Variants in GAD2 observed in about 807,000 individuals in gnomAD.
GAD2 encodes the protein glutamate decarboxylase 2.
Under a neutral mutation model 80.1 loss-of-function variants are expected in GAD2, and 22 were observed. The observed-to-expected ratio is 0.27, with a 90% CI of 0.20 to 0.39. The LOEUF (loss-of-function observed/expected upper bound fraction) is 0.39, where lower values mean the gene tolerates loss of function less well. GAD2 is among the 10% of genes least tolerant of loss of function. The probability of loss-of-function intolerance (pLI) is 1.00; values close to 1 mark genes in which losing one functional copy is unlikely to be tolerated. For synonymous variants in GAD2, 274 were observed against 256.9 expected (o/e 1.07, Z -0.64); for missense variants, 624 against 738.4 (o/e 0.85, Z 1.80).
At chr10:26,224,903 C>A in intron 6 of GAD2, 1 of 434,272 alleles carries the variant, frequency 2.3e-6, no homozygotes, top group African/African-American at 2.0e-5. Flanking sequence ...CCCAGTGCTT[C>A]TACTGTGACC....
At chr10:26,228,029 T>C (rs890791710) in intron 6 of GAD2, among the ~76,000 whole-genome samples, 7 of 152,220 alleles carry the variant, frequency 4.6e-5, no homozygotes, top group Non-Finnish European at 1.0e-4. Flanking sequence ...GCCTGGGCCA[T>C]TCAGCTTGAC....
At chr10:26,271,771 T>TA (rs1417209802) in intron 10 of GAD2, among the ~76,000 whole-genome samples, 1 of 151,962 alleles carries the variant, frequency 6.6e-6, no homozygotes, top group African/African-American at 2.4e-5. Flanking sequence ...CTTTTTTTTT[T>TA]CTTTTTGAGA....
chr10:26,282,005 C>G (rs370055253), intron 12 of GAD2, among the ~76,000 whole-genome samples: 1 of 152,034 alleles, frequency 6.6e-6, no homozygotes, highest in African/African-American at 2.4e-5. Flanking sequence ...TGCAATGGTG[C>G]GATCTTGGCA....
chr10:26,216,910 G>C lies in GAD2; in HGVS notation c.76+25G>C. 1 of 1,596,476 alleles carries C rather than the reference G, an allele frequency of 6.3e-7. No homozygotes were observed. Among genetic ancestry groups the C allele is most frequent in the Non-Finnish European group, 8.6e-7 (1 of 1,168,830 alleles). On this transcript the variant is annotated intron_variant, in intron 1 of 15. Transcript: ENST00000376261. This position sits in a 1 kb window ranked among gnomAD's most constrained non-coding sequence, Gnocchi z 4.7. ...GGTAGGAAGGAGAACGGGGGCCTGC[G>C]GCGGGCGAGTTTTGCGGTGGTCTGG...
In GAD2 at chr10:26,292,926, T is replaced by C. The variant is rs150583361; in HGVS notation, c.1519T>C (p.Trp507Arg). 3.8e-5 allele frequency: 62 copies of C among 1,614,038 alleles called. No homozygotes were observed. The highest frequency in any genetic ancestry group is 3.3e-4 in the Middle Eastern group (2 of 6,058). Reference protein sequence around the residue: ...GKPQHTNVCFWYIPPSLRTLE... With the variant: ...GKPQHTNVCFRYIPPSLRTLE... The stretch of plus-strand genomic sequence containing the variant: ...GCCTCAGCACACAAATGTCTGCTTC[T>C]GGTACATTCCTCCAAGCTTGCGTAC... Residue 507 changes from tryptophan (W) to arginine (R), a missense_variant, in exon 15 of 16, where the codon TGG becomes CGG. Trp to Arg is a moderately radical substitution (Grantham distance 101). Coordinates refer to ENST00000376261, the MANE Select transcript of GAD2 (RefSeq NM_001134366.2).
intron 7 of GAD2, among the ~76,000 whole-genome samples, chr10:26,232,262 T>C (rs2132277703): frequency 1.3e-5 from 2 of 152,234 alleles, no homozygotes; most frequent in African/African-American, 4.8e-5. Flanking sequence ...TCTTTTGGCT[T>C]CCAAGCTGCG....
intron 8 of GAD2, among the ~76,000 whole-genome samples, chr10:26,264,552 T>G (rs986821142): frequency 1.3e-5 from 2 of 152,102 alleles, no homozygotes; most frequent in African/African-American, 4.8e-5. Context: ...CCTGGTGATC[T>G]GCCGGCCTCA....
intron 8 of GAD2, among the ~76,000 whole-genome samples, chr10:26,268,107 C>G (rs769873547): frequency 1.3e-5 from 2 of 152,264 alleles, no homozygotes; most frequent in South Asian, 2.1e-4. Context: ...TTTTAAAAAC[C>G]TAGATCAATG....
rs942544504 is a variant in GAD2 at position 26,240,665 on chromosome 10, G to A, written c.841-5256G>A. 1.3e-4 allele frequency among the ~76,000 whole-genome samples: 20 copies of A among 151,838 alleles called. No homozygotes were observed. The East Asian group carries it at 3.9e-3, about 29-fold the overall frequency. ...GGGACTCACTTAAACCCAGGAGGCG[G>A]AGGTTGCAGTGAGCTAAGATCAAGC... On this transcript the variant is annotated intron_variant, in intron 7 of 15. Coordinates refer to ENST00000376261, the MANE Select transcript of GAD2 (RefSeq NM_001134366.2).
chr10:26,288,233 CTT>C (rs1197001395), intron 13 of GAD2, among the ~76,000 whole-genome samples: 2 of 152,294 alleles, frequency 1.3e-5, no homozygotes, highest in East Asian at 3.9e-4. Context: ...AGAAATAACT[CTT>C]TAGTGGTTTC....
intron 8 of GAD2, among the ~76,000 whole-genome samples, chr10:26,258,016 A>G (rs1430353867): frequency 6.6e-6 from 1 of 151,642 alleles, no homozygotes; most frequent in Non-Finnish European, 1.5e-5. Context: ...GATGCAGAGA[A>G]CTCAGGGATG....
chr10:26,286,504 T>C lies in GAD2; in HGVS notation c.1386+10T>C. 6.2e-6 allele frequency: 10 copies of C among 1,601,706 alleles called. No individual in the cohort carries two copies. Among genetic ancestry groups the C allele is most frequent in the Non-Finnish European group, 8.5e-6 (10 of 1,176,652 alleles). Reference sequence around the variant, plus strand: ...GATGTGGAGGGCAAAGGTGAGTATGTATGGACCAGCTAAATGTCAACTAAA... The same window carrying C: ...GATGTGGAGGGCAAAGGTGAGTATGCATGGACCAGCTAAATGTCAACTAAA... On this transcript the variant is annotated intron_variant, in intron 13 of 15. Coordinates refer to ENST00000376261, the MANE Select transcript of GAD2 (RefSeq NM_001134366.2).
intron 11 of GAD2, among the ~76,000 whole-genome samples, chr10:26,277,154 C>A (rs989857824): frequency 5.9e-5 from 9 of 152,196 alleles, no homozygotes; most frequent in Non-Finnish European, 1.3e-4. Flanking sequence ...ATACAGGGTA[C>A]TTCATCGGGC....
chr10:26,258,992 A>G (rs1388170816), intron 8 of GAD2, among the ~76,000 whole-genome samples: 1 of 151,958 alleles, frequency 6.6e-6, no homozygotes, highest in African/African-American at 2.4e-5. Context: ...TAATTTTTGT[A>G]TTTTTAGTAG....
intron 15 of GAD2, among the ~76,000 whole-genome samples, chr10:26,293,994 G>A (rs1054701095): frequency 1.3e-5 from 2 of 152,352 alleles, no homozygotes; most frequent in East Asian, 3.9e-4. Context: ...ACTGTGGTAA[G>A]ACACCATTAA....
intron 12 of GAD2, among the ~76,000 whole-genome samples, chr10:26,283,392 C>A (rs1845294934): frequency 6.6e-6 from 1 of 152,180 alleles, no homozygotes. Context: ...TAAGGCTGTG[C>A]TCTTAGGTCC....
At chr10:26,286,203 C>A (rs998993213) in intron 12 of GAD2, 142 bp from the exon 13 acceptor site, 2 of 769,472 alleles carry the variant, frequency 2.6e-6, no homozygotes, top group Non-Finnish European at 4.0e-6. Flanking sequence ...TGCCCCCATT[C>A]TTTTTTTTAA....
At chr10:26,281,666 A>G (rs748144219) in intron 12 of GAD2, among the ~76,000 whole-genome samples, 2 of 152,214 alleles carry the variant, frequency 1.3e-5, no homozygotes, top group African/African-American at 2.4e-5. Context: ...AGCAGCATCA[A>G]TGAGCACTTT....
rs552402255 is a variant in GAD2, at chr10:26,235,894, C to T, written c.840+6117C>T. Among the ~76,000 whole-genome samples, 7 of 152,286 alleles carry T rather than the reference C, an allele frequency of 4.6e-5. No homozygotes were observed. The South Asian group carries it at 6.2e-4, about 14-fold the overall frequency. On this transcript the variant is annotated intron_variant, in intron 7 of 15. Transcript: ENST00000376261. The stretch of plus-strand genomic sequence containing the variant: ...CACAAGCTCTTCCAGAAATATCTTC[C>T]GCGAAACAGCATAACCTCATCTAGG...
Sources: allele counts gnomAD v4.1 joint callset (sites outside exome capture counted in the v4.1 genomes callset), GRCh38; gene constraint gnomAD v4.1.1; non-coding constraint Gnocchi (gnomAD v3.1); transcripts MANE v1.5; gene names NCBI Gene and HGNC (gene_info 2026-07-23, HGNC 2026-07-21).